Variants in SHISA6 observed in about 807,000 individuals in gnomAD.
SHISA6 encodes the protein protein shisa-6.
A neutral mutation model predicts 47.9 loss-of-function variants in SHISA6; 22 were observed. The observed-to-expected ratio is 0.46, with a 90% CI of 0.33 to 0.66. The LOEUF is 0.66. Among genes scored for constraint, SHISA6 ranks in the 30% least tolerant of loss-of-function variants. SHISA6 has a pLI of 0.02. For missense variants in SHISA6, 680 were observed against 764.6 expected (o/e 0.89, Z 1.30); for synonymous variants, 388 against 337.8 (o/e 1.15, Z -1.63).
intron 3 of SHISA6, among the ~76,000 whole-genome samples, chr17:11,526,898 T>C (rs1268204552): frequency 1.1e-3 from 20 of 17,394 alleles, no homozygotes; most frequent in African/African-American, 6.3e-3. Flanking sequence ...TATATATATA[T>C]ATATATATAT....
At chr17:11,375,050 T>C (rs1912752591) in intron 2 of SHISA6, among the ~76,000 whole-genome samples, 1 of 152,154 alleles carries the variant, frequency 6.6e-6, no homozygotes, top group East Asian at 1.9e-4. Flanking sequence ...GTAGGTTTTG[T>C]GTTTTATGAT....
intron 4 of SHISA6, among the ~76,000 whole-genome samples, chr17:11,554,758 C>G (rs2071960922): frequency 6.6e-6 from 1 of 152,124 alleles, no homozygotes. Flanking sequence ...CTGTGAAGCA[C>G]TGAGGCATGC....
chr17:11,378,227 T>G (rs1912878010), intron 2 of SHISA6, among the ~76,000 whole-genome samples: 1 of 152,208 alleles, frequency 6.6e-6, no homozygotes, highest in African/African-American at 2.4e-5. Context: ...GAAAAAACAC[T>G]TGGAAAATAT....
chr17:11,291,825 A>T (rs1909555066), intron 2 of SHISA6, among the ~76,000 whole-genome samples: 1 of 152,074 alleles, frequency 6.6e-6, no homozygotes, highest in South Asian at 2.1e-4. Flanking sequence ...TCTGTATCCT[A>T]ACCTCCTCTT....
intron 3 of SHISA6, among the ~76,000 whole-genome samples, chr17:11,536,856 T>A (rs2071792356): frequency 6.6e-6 from 1 of 152,276 alleles, no homozygotes; most frequent in South Asian, 2.1e-4. Flanking sequence ...AGAGGATTAG[T>A]CACCTGGAGC....
At chr17:11,268,868 T>C (rs1247457566) in intron 2 of SHISA6, among the ~76,000 whole-genome samples, 2 of 152,172 alleles carry the variant, frequency 1.3e-5, no homozygotes, top group African/African-American at 4.8e-5. Context: ...GCACAGATGC[T>C]GGTTATGCAG....
At chr17:11,481,336 A>ATATGTG (rs1385503312) in intron 3 of SHISA6, among the ~76,000 whole-genome samples, 5 of 141,500 alleles carry the variant, frequency 3.5e-5, no homozygotes, top group African/African-American at 1.1e-4. Context: ...AAAAATATAT[A>ATATGTG]TGTGTGTGTG....
intron 1 of SHISA6, among the ~76,000 whole-genome samples, chr17:11,244,872 G>A (rs988134260): frequency 2.6e-5 from 4 of 152,194 alleles, no homozygotes; most frequent in African/African-American, 9.6e-5. Context: ...GTCTGAGGGA[G>A]TTTCAGTGAG....
chr17:11,308,032 G>C (rs28615324), intron 2 of SHISA6, among the ~76,000 whole-genome samples: 53,692 of 151,988 alleles, frequency 0.35, 11,082 homozygotes, highest in Non-Finnish European at 0.47. Flanking sequence ...CTGTTGTCCT[G>C]ATGGTCTGAC....
rs79738608 is a variant in SHISA6, at chr17:11,439,053, T to A, written c.895+59544T>A. Among the ~76,000 whole-genome samples, 2,535 of 152,154 alleles carry A rather than the reference T, an allele frequency of 0.017. 238 individuals carry two copies. In the East Asian group the frequency reaches 0.27, roughly 16 times the overall value. ...ATTACAGGGGGTTCTGGGGAGTTAA[T>A]TACACCTCAGAGTTGTGCTGACCTG... On this transcript the variant is annotated intron_variant, in intron 3 of 5. Transcript: ENST00000441885.
intron 2 of SHISA6, among the ~76,000 whole-genome samples, chr17:11,335,166 T>C (rs1377243571): frequency 6.6e-6 from 1 of 152,188 alleles, no homozygotes; most frequent in East Asian, 1.9e-4. Flanking sequence ...ACAAAGATAC[T>C]CGCAACCCAT....
chr17:11,439,354 G>A (rs1472575290), intron 3 of SHISA6, among the ~76,000 whole-genome samples: 1 of 152,092 alleles, frequency 6.6e-6, no homozygotes. Context: ...TTGTCACAGG[G>A]GCCAGCCTTC....
At chr17:11,352,791 C>T (rs965279517) in intron 2 of SHISA6, among the ~76,000 whole-genome samples, 4 of 152,186 alleles carry the variant, frequency 2.6e-5, no homozygotes, top group Admixed American at 6.5e-5. Context: ...CTACTTTCTC[C>T]GTTGCAAACA....
At chr17:11,339,280 A>G (rs1911440502) in intron 2 of SHISA6, among the ~76,000 whole-genome samples, 1 of 152,192 alleles carries the variant, frequency 6.6e-6, no homozygotes, top group African/African-American at 2.4e-5. Context: ...TACTAAATGA[A>G]ATTAACAAAT....
At chr17:11,255,217 T>C (rs557832734) in intron 1 of SHISA6, among the ~76,000 whole-genome samples, 1 of 152,336 alleles carries the variant, frequency 6.6e-6, no homozygotes, top group South Asian at 2.1e-4. Flanking sequence ...GAAATTAAAG[T>C]GGTCTTTTTT....
At chr17:11,477,648 C>T (rs1916087413) in intron 3 of SHISA6, among the ~76,000 whole-genome samples, 1 of 144,906 alleles carries the variant, frequency 6.9e-6, no homozygotes, top group African/African-American at 2.6e-5. Context: ...CAATTCCCAC[C>T]TATGAGTGAG....
chr17:11,476,534 C>A (rs2969219), intron 3 of SHISA6, among the ~76,000 whole-genome samples: 171 of 151,706 alleles, frequency 1.1e-3, no homozygotes, highest in African/African-American at 3.9e-3. Flanking sequence ...TGTTTGACTC[C>A]TGTTATTTAG....
chr17:11,294,205 A>C (rs1391042230), intron 2 of SHISA6, among the ~76,000 whole-genome samples: 1 of 152,084 alleles, frequency 6.6e-6, no homozygotes, highest in Non-Finnish European at 1.5e-5. Context: ...TAATATCCTC[A>C]ATACTGAGGG....
Position 11,555,862 on chromosome 17 carries a change from C to T in SHISA6, c.1075C>T (p.Pro359Ser), listed in dbSNP as rs768429694. Residue 359 changes from proline to serine, a missense_variant, in exon 5 of 6, where the codon CCC becomes TCC. Pro to Ser is a moderately conservative substitution (Grantham distance 74, BLOSUM62 -1). Transcript: ENST00000441885. ...PSYESAVKTN[P>S]SKYSSLKRLT... ...CTACGAGTCTGCAGTAAAGACCAAC[C>T]CCAGCAAGTATTCATCTCTGAAGAG... 2.6e-6 allele frequency: 4 copies of T among 1,548,496 alleles called. No homozygotes were observed. The highest frequency in any genetic ancestry group is 1.4e-5 in the African/African-American group (1 of 72,820).
Sources: gnomAD v4.1 joint callset for allele counts (sites outside exome capture counted in the v4.1 genomes callset) on GRCh38, gnomAD v4.1.1 for gene constraint, MANE v1.5 for transcripts, NCBI Gene and HGNC (gene_info 2026-07-23, HGNC 2026-07-21) for gene names.